The following SLC24A3 variants were observed in gnomAD, a reference collection of about 807,000 sequenced individuals.
The protein encoded by SLC24A3 is solute carrier family 24 member 3.
Under a neutral mutation model 75.8 loss-of-function variants are expected in SLC24A3, and 28 were observed. That is an observed-to-expected ratio of 0.37 (90% CI 0.27 to 0.51). The LOEUF is 0.51. Among genes scored for constraint, SLC24A3 ranks in the 20% least tolerant of loss-of-function variants. The probability of loss-of-function intolerance (pLI) is 0.94; values close to 1 mark genes in which losing one functional copy is unlikely to be tolerated. For synonymous variants in SLC24A3, 372 were observed against 334.1 expected (o/e 1.11, Z -1.24); for missense variants, 663 against 847.8 (o/e 0.78, Z 2.71).
chr20:19,310,041 G>A (rs892257095), intron 2 of SLC24A3, among the ~76,000 whole-genome samples: 19 of 152,180 alleles, frequency 1.2e-4, no homozygotes, highest in Non-Finnish European at 2.1e-4. Flanking sequence ...AGCAGAGCCG[G>A]ACTTGACATT....
intron 2 of SLC24A3, among the ~76,000 whole-genome samples, chr20:19,407,161 A>G (rs1350807647): frequency 1.3e-5 from 2 of 152,194 alleles, no homozygotes. Context: ...ATTAATCCAG[A>G]GACGATGGAG....
intron 2 of SLC24A3, among the ~76,000 whole-genome samples, chr20:19,379,587 G>T (rs1244163136): frequency 6.6e-6 from 1 of 152,170 alleles, no homozygotes; most frequent in Non-Finnish European, 1.5e-5. Context: ...TGTGCTCACA[G>T]GTGCACACCC....
At chr20:19,473,439 G>C (rs773092999) in intron 2 of SLC24A3, among the ~76,000 whole-genome samples, 5 of 152,258 alleles carry the variant, frequency 3.3e-5, no homozygotes, top group Non-Finnish European at 7.3e-5. Context: ...AGTAGTGGTG[G>C]TGGCGGTGGT....
intron 3 of SLC24A3, among the ~76,000 whole-genome samples, chr20:19,532,155 T>C (rs1297550133): frequency 1.3e-5 from 2 of 152,178 alleles, no homozygotes; most frequent in Non-Finnish European, 2.9e-5. Flanking sequence ...CAGCTTTTGA[T>C]CTAGACGACG....
chr20:19,712,514 G>C (rs1206027450), intron 15 of SLC24A3, among the ~76,000 whole-genome samples: 2 of 152,096 alleles, frequency 1.3e-5, no homozygotes, highest in African/African-American at 4.8e-5. Flanking sequence ...CCCCCACCTA[G>C]CTAGACCGAA....
intron 3 of SLC24A3, among the ~76,000 whole-genome samples, chr20:19,531,912 C>T (rs919542269): frequency 6.6e-6 from 1 of 152,102 alleles, no homozygotes. Context: ...AATGAGTTGC[C>T]CCCCCATGAC....
intron 2 of SLC24A3, among the ~76,000 whole-genome samples, chr20:19,330,767 G>A (rs1384856998): frequency 1.3e-5 from 2 of 152,162 alleles, no homozygotes; most frequent in South Asian, 2.1e-4. Flanking sequence ...TATTTGCATG[G>A]TCTTCAAATG....
chr20:19,358,768 T>G (rs1262644882), intron 2 of SLC24A3, among the ~76,000 whole-genome samples: 2 of 152,214 alleles, frequency 1.3e-5, no homozygotes, highest in East Asian at 3.9e-4. Flanking sequence ...TAGCAGTCGC[T>G]CCCCACTTCC....
intron 1 of SLC24A3, among the ~76,000 whole-genome samples, chr20:19,244,947 T>C (rs1451288049): frequency 6.6e-6 from 1 of 152,116 alleles, no homozygotes; most frequent in African/African-American, 2.4e-5. Context: ...ACAAGAAATG[T>C]CCGTTTTAAT....
intron 2 of SLC24A3, among the ~76,000 whole-genome samples, chr20:19,335,301 T>C (rs1269014593): frequency 2.6e-5 from 4 of 152,208 alleles, no homozygotes; most frequent in Non-Finnish European, 1.5e-5. Context: ...ATCTTGTCTT[T>C]TCTACTTTAG....
chr20:19,266,325 C>A (rs1983165554), intron 1 of SLC24A3, among the ~76,000 whole-genome samples: 1 of 152,168 alleles, frequency 6.6e-6, no homozygotes, highest in African/African-American at 2.4e-5. Context: ...TCTCCTCACC[C>A]CTAGAGAGTC....
chr20:19,346,449 C>A (rs890260659), intron 2 of SLC24A3, among the ~76,000 whole-genome samples: 1 of 147,546 alleles, frequency 6.8e-6, no homozygotes, highest in Non-Finnish European at 1.5e-5. Context: ...TATATACACA[C>A]ACCATATACC....
At chr20:19,565,996 A>G (rs937102510) in intron 3 of SLC24A3, among the ~76,000 whole-genome samples, 22 of 152,224 alleles carry the variant, frequency 1.4e-4, no homozygotes, top group African/African-American at 5.3e-4. Context: ...ATGCATATCA[A>G]GCACTGAGCC....
intron 3 of SLC24A3, among the ~76,000 whole-genome samples, chr20:19,542,968 C>T (rs376393250): frequency 1.3e-5 from 2 of 152,210 alleles, no homozygotes; most frequent in African/African-American, 4.8e-5. Flanking sequence ...GGGATAATGA[C>T]ACCAACCATG....
chr20:19,521,626 C>T lies in SLC24A3; in HGVS notation c.348+6062C>T, dbSNP rs545489575. On this transcript the variant is annotated intron_variant, in intron 3 of 16. Coordinates refer to ENST00000328041, the MANE Select transcript of SLC24A3 (RefSeq NM_020689.4). ...TCTGGGGGAGGAGAGGAGGAGGAAG[C>T]TCTTCTTTCTGGAAGGAGCCTCACC... Among the ~76,000 whole-genome samples, 44 of 152,308 alleles carry T rather than the reference C, an allele frequency of 2.9e-4. No homozygotes were observed. In the South Asian group the frequency reaches 9.1e-3, roughly 32 times the overall value.
chr20:19,331,563 G>C (rs950344218), intron 2 of SLC24A3, among the ~76,000 whole-genome samples: 1 of 152,136 alleles, frequency 6.6e-6, no homozygotes, highest in Admixed American at 6.5e-5. Flanking sequence ...AGTGTTTATG[G>C]GAGTTCCTTG....
intron 5 of SLC24A3, 44 bp from the exon 6 acceptor site, chr20:19,585,396 CA>C: frequency 6.3e-7 from 1 of 1,582,116 alleles, no homozygotes; most frequent in Non-Finnish European, 8.7e-7. Flanking sequence ...CCTTGGAATG[CA>C]ACAGGGCCAC....
In SLC24A3 at chr20:19,651,711, A is replaced by G. The variant is rs1184026154; in HGVS notation, c.613-2351A>G. Among the ~76,000 whole-genome samples, 5 of 151,880 alleles carry G rather than the reference A, an allele frequency of 3.3e-5. No homozygotes were observed. In the East Asian group the frequency reaches 9.7e-4, roughly 29 times the overall value. ...TGTCTCTACTAAAAAATACAAAAAA[A>G]TTTGCCAGGCGTGGTGGTGGGCGCC... On this transcript the variant is annotated intron_variant, in intron 6 of 16. Transcript: ENST00000328041.
At chr20:19,672,597 A>G (rs956216210) in intron 8 of SLC24A3, among the ~76,000 whole-genome samples, 1 of 152,136 alleles carries the variant, frequency 6.6e-6, no homozygotes, top group African/African-American at 2.4e-5. Flanking sequence ...TCGGCCTCCC[A>G]AAATGCTGGG....
Sources: gnomAD v4.1 joint callset for allele counts (sites outside exome capture counted in the v4.1 genomes callset) on GRCh38, gnomAD v4.1.1 for gene constraint, MANE v1.5 for transcripts, NCBI Gene and HGNC (gene_info 2026-07-23, HGNC 2026-07-21) for gene names.